DLG2: variants seen among roughly 807,000 people sequenced by gnomAD.
DLG2 encodes the protein discs large MAGUK scaffold protein 2.
Under a neutral mutation model 132.5 loss-of-function variants are expected in DLG2, and 45 were observed. That is an observed-to-expected ratio of 0.34 (90% confidence interval 0.27 to 0.44). DLG2 has a LOEUF of 0.44. Ranked by LOEUF, DLG2 falls within the 20% of genes least tolerant of loss-of-function variation. The pLI is 1.00. For missense variants in DLG2, 1,045 were observed against 1,196.9 expected, an observed-to-expected ratio of 0.87 and a Z score of 1.87; for synonymous variants, 424 against 419.6, an observed-to-expected ratio of 1.01 and a Z score of -0.13.
intron 18 of DLG2, among the ~76,000 whole-genome samples, chr11:83,643,117 T>C (rs1292275358): frequency 2.0e-5 from 3 of 152,300 alleles, no homozygotes; most frequent in African/African-American, 2.4e-5. Context: ...AACTGAATTG[T>C]ACAGTATAAA....
At chr11:84,376,608 G>A (rs1242634726) in intron 7 of DLG2, among the ~76,000 whole-genome samples, 1 of 151,680 alleles carries the variant, frequency 6.6e-6, no homozygotes, top group East Asian at 1.9e-4. Context: ...CAAGTATAGT[G>A]ATGTGGTTAG....
intron 3 of DLG2, among the ~76,000 whole-genome samples, chr11:85,573,827 C>T (rs1457892049): frequency 6.6e-6 from 1 of 152,144 alleles, no homozygotes; most frequent in African/African-American, 2.4e-5. Flanking sequence ...CCAGAAGACT[C>T]AAAAGCTAAA....
At chr11:84,777,902 C>T (rs4329710) in intron 6 of DLG2, among the ~76,000 whole-genome samples, 3,907 of 152,114 alleles carry the variant, frequency 0.026, 169 homozygotes, top group African/African-American at 0.09. Flanking sequence ...ATTTTGCAGG[C>T]TGTCTGTTCA....
intron 7 of DLG2, among the ~76,000 whole-genome samples, chr11:84,333,794 C>A (rs1161835052): frequency 1.3e-5 from 2 of 152,140 alleles, no homozygotes; most frequent in Non-Finnish European, 2.9e-5. Context: ...ATCACTCATA[C>A]TGGGAATTAA....
rs560763210 is a variant in DLG2, at chr11:84,340,408, A to C, written c.520-89117T>G. Among the ~76,000 whole-genome samples, 7 of 152,312 alleles carry C rather than the reference A, an allele frequency of 4.6e-5. No homozygotes were observed. In the East Asian group the frequency reaches 1.4e-3, roughly 29 times the overall value. On this transcript the variant is annotated intron_variant, in intron 7 of 27. Coordinates refer to ENST00000376104, the MANE Select transcript of DLG2 (RefSeq NM_001142699.3). The stretch of plus-strand genomic sequence containing the variant: ...GTGGTGATGCAACATCTTAGTAGCA[A>C]TCATTGTGCTGGTTAAGTATAACTT...
At chr11:84,592,621 G>GA (rs990986919) in intron 6 of DLG2, among the ~76,000 whole-genome samples, 1 of 151,482 alleles carries the variant, frequency 6.6e-6, no homozygotes, top group African/African-American at 2.4e-5. Flanking sequence ...AAATTTACAA[G>GA]AAAAAAAGAA....
At chr11:84,597,486 A>G (rs2099565026) in intron 6 of DLG2, among the ~76,000 whole-genome samples, 1 of 152,188 alleles carries the variant, frequency 6.6e-6, no homozygotes, top group Non-Finnish European at 1.5e-5. Context: ...CATGAGAACA[A>G]TGATGTCAAT....
intron 8 of DLG2, among the ~76,000 whole-genome samples, chr11:84,170,864 C>G (rs1056796702): frequency 1.3e-5 from 2 of 152,110 alleles, no homozygotes; most frequent in African/African-American, 4.8e-5. Context: ...ATCTAGTGCA[C>G]CTGACCAATT....
chr11:83,487,617 A>C (rs1241658895), intron 21 of DLG2, among the ~76,000 whole-genome samples: 2 of 152,080 alleles, frequency 1.3e-5, no homozygotes, highest in Non-Finnish European at 2.9e-5. Context: ...TAAAATTATT[A>C]GTGCTTGACT....
intron 6 of DLG2, among the ~76,000 whole-genome samples, chr11:84,638,520 C>A (rs1031814650): frequency 6.6e-6 from 1 of 152,152 alleles, no homozygotes; most frequent in African/African-American, 2.4e-5. Flanking sequence ...TTAAAAGCAA[C>A]AAAATGATGA....
chr11:84,542,590 A>G (rs1291000557), intron 6 of DLG2, among the ~76,000 whole-genome samples: 1 of 152,208 alleles, frequency 6.6e-6, no homozygotes, highest in Non-Finnish European at 1.5e-5. Flanking sequence ...TCTGGAAGAA[A>G]GCCTCTTAAT....
intron 3 of DLG2, among the ~76,000 whole-genome samples, chr11:85,296,749 T>C (rs1429226906): frequency 6.6e-6 from 1 of 151,508 alleles, no homozygotes. Context: ...AGCTGATGGC[T>C]AATCTCAAAA....
intron 3 of DLG2, among the ~76,000 whole-genome samples, chr11:85,467,511 T>A (rs2092831987): frequency 1.3e-5 from 2 of 152,244 alleles, no homozygotes; most frequent in African/African-American, 4.8e-5. Flanking sequence ...TGGGAGTTTT[T>A]AGCATGAAGG....
At chr11:83,825,171 A>ATTTTT (rs10566177) in intron 17 of DLG2, among the ~76,000 whole-genome samples, 3 of 72,608 alleles carry the variant, frequency 4.1e-5, no homozygotes, top group Non-Finnish European at 5.2e-5. Flanking sequence ...ATATATATAT[A>ATTTTT]TTTTTTTTTT....
Position 85,554,741 on chromosome 11 carries a change from G to A in DLG2, c.40+43916C>T, listed in dbSNP as rs55640802. 9.2e-3 allele frequency among the ~76,000 whole-genome samples: 1,399 copies of A among 151,780 alleles called. 25 individuals are homozygous for A. The highest frequency in any genetic ancestry group is 0.03 in the African/African-American group (1,245 of 41,454). ...TTCTATGATCGTTTATTGCACCAGA[G>A]GTCACAAGATTTGCAACTTCCCCAA... On this transcript the variant is annotated intron_variant, in intron 3 of 27. Transcript: ENST00000376104.
At chr11:85,392,830 A>G (rs1042880291) in intron 3 of DLG2, among the ~76,000 whole-genome samples, 1 of 152,186 alleles carries the variant, frequency 6.6e-6, no homozygotes, top group African/African-American at 2.4e-5. Context: ...TCAACTCAAG[A>G]TGGATCAAAG....
At chr11:85,017,326 C>G (rs2059656502) in intron 6 of DLG2, among the ~76,000 whole-genome samples, 1 of 149,004 alleles carries the variant, frequency 6.7e-6, no homozygotes, top group South Asian at 2.1e-4. Flanking sequence ...TAAAACTTGT[C>G]CAGGGAGTAT....
At chr11:85,289,194 A>G (rs912644264) in intron 3 of DLG2, among the ~76,000 whole-genome samples, 3 of 152,168 alleles carry the variant, frequency 2.0e-5, no homozygotes, top group Admixed American at 6.5e-5. Flanking sequence ...GTCAAATTTC[A>G]CTTTTGGTTA....
At chr11:85,370,303 A>G (rs2084877828) in intron 3 of DLG2, among the ~76,000 whole-genome samples, 1 of 152,226 alleles carries the variant, frequency 6.6e-6, no homozygotes, top group Non-Finnish European at 1.5e-5. Flanking sequence ...GTAAAAGGTT[A>G]TAAGAAGGCA....
Sources: gnomAD v4.1 joint callset for allele counts (sites outside exome capture counted in the v4.1 genomes callset) on GRCh38, gnomAD v4.1.1 for gene constraint, MANE v1.5 for transcripts, NCBI Gene and HGNC (gene_info 2026-07-23, HGNC 2026-07-21) for gene names.